Variants in ARB2A observed in about 807,000 individuals in gnomAD.
ARB2A encodes cotranscriptional regulator ARB2A.
At chr5:93,740,720 C>T in the ARB2A span, 5 of 1,613,132 alleles carry the variant, frequency 3.1e-6, no homozygotes, top group Admixed American at 6.7e-5. Context: ...CAAGGAGGCC[C>T]GGCTGTCCCC....
the ARB2A span, among the ~76,000 whole-genome samples, chr5:93,792,712 GA>G: frequency 3.6e-5 from 4 of 110,850 alleles, no homozygotes; most frequent in Non-Finnish European, 7.1e-5. Flanking sequence ...GGGGTGGGGG[GA>G]GGGGGAGGGA....
the ARB2A span, among the ~76,000 whole-genome samples, chr5:94,095,984 C>T: frequency 1.3e-5 from 2 of 152,156 alleles, no homozygotes; most frequent in Non-Finnish European, 2.9e-5. Flanking sequence ...CTTTTCTATC[C>T]CAACATCCTC....
chr5:93,918,337 T>C, the ARB2A span, among the ~76,000 whole-genome samples: 1 of 152,046 alleles, frequency 6.6e-6, no homozygotes, highest in East Asian at 1.9e-4. Context: ...AGAAGTGATG[T>C]CCACTTATTA....
chr5:93,960,094 C>CCA, the ARB2A span, among the ~76,000 whole-genome samples: 2 of 141,648 alleles, frequency 1.4e-5, no homozygotes, highest in African/African-American at 5.4e-5. Context: ...CCCCCCCCCC[C>CCA]CAAAAAAAGC....
chr5:93,809,226 T>C, the ARB2A span, among the ~76,000 whole-genome samples: 11 of 151,998 alleles, frequency 7.2e-5, no homozygotes, highest in African/African-American at 1.4e-4. Context: ...CTTAAAACAC[T>C]GATTTATTTA....
the ARB2A span, among the ~76,000 whole-genome samples, chr5:93,686,993 T>C: frequency 6.6e-6 from 1 of 152,060 alleles, no homozygotes; most frequent in East Asian, 1.9e-4. Flanking sequence ...AACGTTGGCT[T>C]AGAAAAAAAC....
At chr5:93,705,852 T>C in the ARB2A span, among the ~76,000 whole-genome samples, 1 of 152,098 alleles carries the variant, frequency 6.6e-6, no homozygotes, top group Admixed American at 6.6e-5. Flanking sequence ...TCAAATAACA[T>C]TGTATTTGAG....
At chr5:93,865,365 C>A in the ARB2A span, 1 of 984,648 alleles carries the variant, frequency 1.0e-6, no homozygotes, top group Non-Finnish European at 1.2e-6. Context: ...ACAGCATGAG[C>A]CACCGCGCCC....
At chr5:93,889,749 T>C in the ARB2A span, among the ~76,000 whole-genome samples, 1 of 151,892 alleles carries the variant, frequency 6.6e-6, no homozygotes, top group African/African-American at 2.4e-5. Flanking sequence ...CCCTTTGGTA[T>C]ACATGAAACA....
At chr5:93,787,240 A>T in the ARB2A span, among the ~76,000 whole-genome samples, 1 of 152,172 alleles carries the variant, frequency 6.6e-6, no homozygotes, top group African/African-American at 2.4e-5. Context: ...CCAGTAAGAG[A>T]TCCCTTTGAA....
At chr5:93,719,445 T>C in the ARB2A span, among the ~76,000 whole-genome samples, 1 of 152,228 alleles carries the variant, frequency 6.6e-6, no homozygotes, top group Non-Finnish European at 1.5e-5. Context: ...CTCATCTTTT[T>C]GCACTCACCA....
chr5:93,657,300 T>C, the ARB2A span, among the ~76,000 whole-genome samples: 7 of 152,114 alleles, frequency 4.6e-5, no homozygotes, highest in African/African-American at 1.4e-4. Context: ...GTTGGTAAGA[T>C]AGATGGATTA....
the ARB2A span, among the ~76,000 whole-genome samples, chr5:93,675,293 C>T: frequency 1.1e-4 from 16 of 152,268 alleles, no homozygotes; most frequent in East Asian, 3.1e-3. Context: ...ATGTCCTGGT[C>T]CCTGTTGGCA....
the ARB2A span, among the ~76,000 whole-genome samples, chr5:93,628,154 G>A: frequency 6.9e-6 from 1 of 145,026 alleles, no homozygotes; most frequent in South Asian, 2.2e-4. Flanking sequence ...AGGTTCAAGT[G>A]ATTCTCCTGC....
chr5:94,090,436 G>A, the ARB2A span, among the ~76,000 whole-genome samples: 1 of 152,198 alleles, frequency 6.6e-6, no homozygotes, highest in South Asian at 2.1e-4. Context: ...TGAGATGATG[G>A]GGTTTTCTAA....
At chr5:93,831,051 C>T in the ARB2A span, among the ~76,000 whole-genome samples, 2 of 152,084 alleles carry the variant, frequency 1.3e-5, no homozygotes, top group African/African-American at 2.4e-5. Flanking sequence ...GAATCTAATA[C>T]TGCAGCTGAT....
At chr5:93,992,489 AT>A in the ARB2A span, among the ~76,000 whole-genome samples, 1 of 152,058 alleles carries the variant, frequency 6.6e-6, no homozygotes, top group South Asian at 2.1e-4. Context: ...TGTTAAGTGG[AT>A]TACAACCAAA....
chr5:94,037,018 C>T, the ARB2A span, among the ~76,000 whole-genome samples: 1 of 152,116 alleles, frequency 6.6e-6, no homozygotes, highest in Non-Finnish European at 1.5e-5. Flanking sequence ...CTATCAATTG[C>T]TAAAAGTCCC....
At chr5:93,716,512 A>G in the ARB2A span, among the ~76,000 whole-genome samples, 1 of 152,088 alleles carries the variant, frequency 6.6e-6, no homozygotes. Context: ...ATTTATTCTG[A>G]GCAATAAAAT....
Sources: gnomAD v4.1 joint callset for allele counts (sites outside exome capture counted in the v4.1 genomes callset) on GRCh38, gnomAD v4.1.1 for gene constraint, MANE v1.5 for transcripts, NCBI Gene and HGNC (gene_info 2026-07-23, HGNC 2026-07-21) for gene names.